The following GID8 variants were observed in gnomAD, a reference collection of about 807,000 sequenced individuals.
The protein encoded by GID8 is glucose-induced degradation protein 8 homolog.
In GID8, 6 loss-of-function variants were observed where a neutral mutation model predicts 27.4. The observed-to-expected ratio is 0.22, with a 90% CI of 0.12 to 0.43. The LOEUF (loss-of-function observed/expected upper bound fraction) is 0.43. Among genes scored for constraint, GID8 ranks in the 20% least tolerant of loss-of-function variants. The probability of loss-of-function intolerance (pLI) is 1.00; values close to 1 mark genes in which losing one functional copy is unlikely to be tolerated. For synonymous variants in GID8, 112 were observed against 109.0 expected (o/e 1.03, Z -0.17); for missense variants, 173 against 287.6 (o/e 0.60, Z 2.88).
At chr20:62,944,691 G>T (rs1264300411) in intron 4 of GID8, 48 bp from the exon 5 acceptor site, 1 of 1,284,266 alleles carries the variant, frequency 7.8e-7, no homozygotes, top group African/African-American at 1.5e-5. Flanking sequence ...AGACTCTGCT[G>T]GTGCTCTGCG....
rs1403152618 is a variant in GID8 at position 62,948,132 on chromosome 20, A to G, written c.*3220A>G. 1 of 152,260 alleles carries G rather than the reference A, an allele frequency of 6.6e-6. No individual in the cohort carries two copies. The highest frequency in any genetic ancestry group is 1.5e-5 in the Non-Finnish European group (1 of 68,054). The allele number at this position is 152,260 out of a possible 1,614,324, so 9.4% of individuals were successfully genotyped here. On this transcript the variant is annotated 3_prime_UTR_variant, in exon 5 of 5. Coordinates refer to ENST00000266069, the MANE Select transcript of GID8 (RefSeq NM_017896.3). ...ATGGGTGTAGCCGCATGGCAGACCCATGGCTGGCGCAGCTGCCTGTTGCCG... is the reference window on the plus strand; with the variant it reads ...ATGGGTGTAGCCGCATGGCAGACCCGTGGCTGGCGCAGCTGCCTGTTGCCG...
chr20:62,945,927 T>C lies in GID8; in HGVS notation c.*1015T>C. ...ATCTCATCCTCCATCGTCAGCTGGC[T>C]CTGCCGATGTCCTGCTTCTGTTCAC... On this transcript the variant is annotated 3_prime_UTR_variant, in exon 5 of 5. Transcript: ENST00000266069. 1 of 1,289,242 alleles carries C rather than the reference T, an allele frequency of 7.8e-7. No individual in the cohort carries two copies. Among genetic ancestry groups the C allele is most frequent in the Non-Finnish European group, 1.0e-6 (1 of 988,644 alleles). 79.9% of individuals were successfully genotyped at this position (1,289,242 alleles called of 1,614,324 possible).
Position 62,945,156 on chromosome 20 carries a change from C to G in GID8, c.*244C>G. ...TGCACTCTGGCACTCGCTGAAGAAT[C>G]TGGAAGGTTGCGGTTTGCTCTTCCA... On this transcript the variant is annotated 3_prime_UTR_variant, in exon 5 of 5. Transcript: ENST00000266069. The G allele has an allele frequency of 1.5e-6, 2 of 1,292,882 alleles. No individual in the cohort carries two copies. The highest frequency in any genetic ancestry group is 2.0e-5 in the South Asian group (1 of 48,972). 80.1% of individuals were successfully genotyped at this position (1,292,882 alleles called of 1,614,324 possible).
In GID8 at chr20:62,943,833, TG is replaced by T; in HGVS notation, c.513+143del. ...CCTGGGATGCTAAGTGGTTCCTTCA[TG>T]GCTTTTTTTTTTTTTTTTGGAGGTG... is the stretch of plus-strand genomic sequence containing the variant. On this transcript the variant is annotated intron_variant, in intron 4 of 4. Coordinates refer to ENST00000266069, the MANE Select transcript of GID8 (RefSeq NM_017896.3). This position sits in a 1 kb window ranked among gnomAD's most constrained non-coding sequence, Gnocchi z 4.7. 1 of 582,184 alleles carries T rather than the reference TG, an allele frequency of 1.7e-6. No individual in the cohort carries two copies. Among genetic ancestry groups the T allele is most frequent in the Admixed American group, 3.5e-5 (1 of 28,958 alleles). The allele number at this position is 582,184 out of a possible 1,614,324, so 36.1% of individuals were successfully genotyped here. A position where few individuals can be genotyped will look rare whatever the true frequency, so the allele number is the denominator to read the frequency against.
In GID8 at chr20:62,944,992, C is replaced by G. The variant is rs1486597082; in HGVS notation, c.*80C>G. On this transcript the variant is annotated 3_prime_UTR_variant, in exon 5 of 5. Transcript: ENST00000266069. ...CAGATCAGCCTGCGACTGCAAGATT[C>G]TTACTGCAGTAGAGAACTCTTTTTC... The G allele has an allele frequency of 1.1e-5, 17 of 1,500,610 alleles. No homozygotes were observed. In the East Asian group the frequency reaches 3.4e-4, roughly 30 times the overall value. The allele number at this position is 1,500,610 out of a possible 1,614,324, so 93.0% of individuals were successfully genotyped here.
rs941229660 is a variant in GID8, at chr20:62,944,972, C to T, written c.*60C>T. 1.3e-5 allele frequency: 20 copies of T among 1,530,450 alleles called. No homozygotes were observed. Among genetic ancestry groups the T allele is most frequent in the Non-Finnish European group, 1.7e-5 (19 of 1,137,850 alleles). The allele number at this position is 1,530,450 out of a possible 1,614,324, so 94.8% of individuals were successfully genotyped here. A position where few individuals can be genotyped will look rare whatever the true frequency, so the allele number is the denominator to read the frequency against. On this transcript the variant is annotated 3_prime_UTR_variant, in exon 5 of 5. Coordinates refer to ENST00000266069, the MANE Select transcript of GID8 (RefSeq NM_017896.3). ...CTGCGTCGTGGGACTTGCCTCAGAT[C>T]AGCCTGCGACTGCAAGATTCTTACT... is the stretch of plus-strand genomic sequence containing the variant.
intron 1 of GID8, among the ~76,000 whole-genome samples, chr20:62,941,019 C>T (rs1197221203): frequency 6.6e-6 from 1 of 152,210 alleles, no homozygotes; most frequent in Non-Finnish European, 1.5e-5. Flanking sequence ...ATTCCAAAAC[C>T]CATCTGCCCA....
At chr20:62,942,813 T>C (rs983004292) in intron 2 of GID8, among the ~76,000 whole-genome samples, 174 bp from the exon 3 acceptor site, 24 of 152,266 alleles carry the variant, frequency 1.6e-4, no homozygotes, top group African/African-American at 5.8e-4. Flanking sequence ...ATTTTCTATA[T>C]GTATTTTGAG....
chr20:62,943,431 A>G lies in GID8; in HGVS notation c.316-64A>G, dbSNP rs1015791155. ...GATGTACTTTTGATTGGGACCTGGT[A>G]CCACCTGCCCTAAGTCCCTGGCCTG... is the stretch of plus-strand genomic sequence containing the variant. On this transcript the variant is annotated intron_variant, in intron 3 of 4. Coordinates refer to ENST00000266069, the MANE Select transcript of GID8 (RefSeq NM_017896.3). This position sits in a 1 kb window ranked among gnomAD's most constrained non-coding sequence, Gnocchi z 4.7. 5.9e-5 allele frequency: 84 copies of G among 1,419,864 alleles called. No individual in the cohort carries two copies. Among genetic ancestry groups the G allele is most frequent in the Non-Finnish European group, 7.8e-5 (79 of 1,008,658 alleles). 88.0% of individuals were successfully genotyped at this position (1,419,864 alleles called of 1,614,324 possible). A position where few individuals can be genotyped will look rare whatever the true frequency, so the allele number is the denominator to read the frequency against.
chr20:62,943,785 C>G lies in GID8; in HGVS notation c.513+93C>G. On this transcript the variant is annotated intron_variant, in intron 4 of 4. Coordinates refer to ENST00000266069, the MANE Select transcript of GID8 (RefSeq NM_017896.3). This position sits in a 1 kb window ranked among gnomAD's most constrained non-coding sequence, Gnocchi z 4.7. ...CAAGTGTGTGGCTTTGCTGTGTGGACTGAGAGACAGGTGGCTTCTGTGCCT... is the reference window on the plus strand; with the variant it reads ...CAAGTGTGTGGCTTTGCTGTGTGGAGTGAGAGACAGGTGGCTTCTGTGCCT... 1.0e-6 allele frequency: 1 copy of G among 952,750 alleles called. No individual in the cohort carries two copies. Among genetic ancestry groups the G allele is most frequent in the East Asian group, 2.6e-5 (1 of 38,654 alleles). The allele number at this position is 952,750 out of a possible 1,614,324, so 59.0% of individuals were successfully genotyped here.
Position 62,943,366 on chromosome 20 carries a change from AT to A in GID8, c.316-126del. ...GCGGTTTTTTGTTTTAAAAATGCAA[AT>A]TTGATAACTCAGAGATGCAAGAAAA... On this transcript the variant is annotated intron_variant, in intron 3 of 4. Transcript: ENST00000266069. This position sits in a 1 kb window ranked among gnomAD's most constrained non-coding sequence, Gnocchi z 4.7. 9.6e-7 allele frequency: 1 copy of A among 1,040,940 alleles called. No individual in the cohort carries two copies. The highest frequency in any genetic ancestry group is 1.4e-6 in the Non-Finnish European group (1 of 709,060). 64.5% of individuals were successfully genotyped at this position (1,040,940 alleles called of 1,614,324 possible). A position where few individuals can be genotyped will look rare whatever the true frequency, so the allele number is the denominator to read the frequency against.
Position 62,944,812 on chromosome 20 carries a change from T to C in GID8, c.587T>C (p.Leu196Pro). 1 of 1,614,192 alleles carries C rather than the reference T, an allele frequency of 6.2e-7. No homozygotes were observed. Among genetic ancestry groups the C allele is most frequent in the Non-Finnish European group, 8.5e-7 (1 of 1,180,028 alleles). ...RESTPKLAKL[L>P]KLLLWAQNEL... The stretch of plus-strand genomic sequence containing the variant: ...TCAACACCCAAACTGGCAAAATTAC[T>C]GAAACTACTACTTTGGGCTCAGAAC... The change falls in exon 5 of 5, where the codon CTG becomes CCG. Residue 196 changes from leucine to proline, a missense_variant. Transcript: ENST00000266069.
Position 62,943,539 on chromosome 20 carries a change from G to A in GID8, c.360G>A (p.Ala120=), listed in dbSNP as rs562845173. Residue 120 remains alanine, a synonymous_variant, in exon 4 of 5, where the codon GCG becomes GCA. Transcript: ENST00000266069. The surrounding 1 kb of genome is among the most constrained non-coding windows in gnomAD (Gnocchi z 4.7). ...IELIRQRETE[A]ALEFAQTQLA... ...TGATCCGCCAGCGGGAGACAGAGGC[G>A]GCGCTGGAGTTTGCACAGACTCAGC... is the stretch of plus-strand genomic sequence containing the variant. The A allele has an allele frequency of 6.8e-6, 11 of 1,612,844 alleles. No individual in the cohort carries two copies. The highest frequency in any genetic ancestry group is 9.3e-6 in the Non-Finnish European group (11 of 1,180,008).
rs1051537503 is a variant in GID8 at position 62,945,775 on chromosome 20, C to T, written c.*863C>T. ...GCCACTTGGCCCTGTGCTGAGTGAG[C>T]GGCCTTCATTAGAGCGAGGCAGCCC... On this transcript the variant is annotated 3_prime_UTR_variant, in exon 5 of 5. Coordinates refer to ENST00000266069, the MANE Select transcript of GID8 (RefSeq NM_017896.3). The T allele has an allele frequency of 1.1e-4, 141 of 1,263,100 alleles. No homozygotes were observed. The highest frequency in any genetic ancestry group is 1.3e-4 in the Non-Finnish European group (125 of 972,328). 78.2% of individuals were successfully genotyped at this position (1,263,100 alleles called of 1,614,324 possible).
chr20:62,938,654 C>T (rs184452503), intron 1 of GID8: 1 of 152,412 alleles, frequency 6.6e-6, no homozygotes, highest in Non-Finnish European at 1.5e-5. Context: ...GTCTTCAGCA[C>T]ACGGGTGTTT....
rs2065443706 is a variant in GID8 at position 62,941,528 on chromosome 20, A to G, written c.26A>G (p.Glu9Gly). The G allele has an allele frequency of 6.2e-7, 1 of 1,611,898 alleles. No homozygotes were observed. Among genetic ancestry groups the G allele is most frequent in the Non-Finnish European group, 8.5e-7 (1 of 1,177,942 alleles). MSYAEKPD[E>G]ITKDEWMEKL... Reference sequence around the variant, plus strand: ...ATGAGTTATGCAGAAAAACCCGATGAAATCACGAAAGATGAGTGGATGGAA... The same window carrying G: ...ATGAGTTATGCAGAAAAACCCGATGGAATCACGAAAGATGAGTGGATGGAA... The change falls in exon 2 of 5, where the codon GAA (glutamate) becomes GGA (glycine). Residue 9 changes from glutamate to glycine, a missense_variant. Transcript: ENST00000266069.
rs758704542 is a variant in GID8, at chr20:62,943,342, C to T, written c.316-153C>T. ...TTTGCTCTTTTATGTAGTTCAGAAG[C>T]GGTTTTTTGTTTTAAAAATGCAAAT... On this transcript the variant is annotated intron_variant, in intron 3 of 4. Transcript: ENST00000266069. The surrounding 1 kb of genome is among the most constrained non-coding windows in gnomAD (Gnocchi z 4.7). 9.2e-5 allele frequency among the ~76,000 whole-genome samples: 14 copies of T among 152,170 alleles called. No individual in the cohort carries two copies. Among genetic ancestry groups the T allele is most frequent in the African/African-American group, 2.9e-4 (12 of 41,436 alleles).
chr20:62,942,236 G>A (rs1410775243), intron 2 of GID8, among the ~76,000 whole-genome samples: 1 of 152,084 alleles, frequency 6.6e-6, no homozygotes, highest in East Asian at 1.9e-4. Context: ...GATTGTTCGC[G>A]CCTAGGAATT....
intron 4 of GID8, among the ~76,000 whole-genome samples, 191 bp from the exon 5 acceptor site, chr20:62,944,548 A>G (rs1206630141): frequency 6.6e-6 from 1 of 152,172 alleles, no homozygotes; most frequent in African/African-American, 2.4e-5. Flanking sequence ...ATGGCACTTA[A>G]CTGCCATCGA....
Sources: allele counts gnomAD v4.1 joint callset (sites outside exome capture counted in the v4.1 genomes callset), GRCh38; gene constraint gnomAD v4.1.1; non-coding constraint Gnocchi (gnomAD v3.1); transcripts MANE v1.5; gene names NCBI Gene and HGNC (gene_info 2026-07-23, HGNC 2026-07-21).